The following CUX1 variants were observed in gnomAD, a reference collection of about 807,000 sequenced individuals.
CUX1 encodes protein CASP.
CUX1 carries 31 observed loss-of-function variants against 158.8 expected under a neutral mutation model. That is an observed-to-expected ratio of 0.20 (90% CI 0.15 to 0.26). The LOEUF (loss-of-function observed/expected upper bound fraction) is 0.26. Ranked by LOEUF, CUX1 falls within the 10% of genes least tolerant of loss-of-function variation. The pLI, the probability that CUX1 is intolerant of heterozygous loss-of-function variation, is 1.00. For missense variants in CUX1, 1,589 were observed against 2,014.6 expected (o/e 0.79, Z 4.04); for synonymous variants, 879 against 862.1 (o/e 1.02, Z -0.34).
At chr7:102,077,620 C>G (rs188014978) in intron 4 of CUX1, among the ~76,000 whole-genome samples, 1 of 151,080 alleles carries the variant, frequency 6.6e-6, no homozygotes, top group Non-Finnish European at 1.5e-5. Flanking sequence ...AAGACCCTCC[C>G]ATCTCTTTAA....
At position 101,917,999 on chromosome 7, in the gene CUX1, G is replaced by A. The variant is rs563149447; in HGVS notation, c.141+1774G>A. Among the ~76,000 whole-genome samples the A allele has an allele frequency of 4.6e-5, 7 of 152,100 alleles. No homozygotes were observed. In the South Asian group the frequency reaches 1.0e-3, roughly 22 times the overall value. On this transcript the variant is annotated intron_variant, in intron 2 of 23. Transcript: ENST00000292535. The stretch of plus-strand genomic sequence containing the variant: ...AAAAGGTAAAAAGAAAAAAGAAAAC[G>A]TTTTGTGGTTAAAAACAAACAAAGA...
intron 10 of CUX1, among the ~76,000 whole-genome samples, chr7:102,172,882 C>T (rs1554510785): frequency 1.3e-5 from 2 of 152,088 alleles, no homozygotes; most frequent in African/African-American, 2.4e-5. Flanking sequence ...GGCAAAATAT[C>T]GAAACCCCAT....
At chr7:102,223,743 C>T (rs917166077) in intron 20 of CUX1, among the ~76,000 whole-genome samples, 7 of 152,044 alleles carry the variant, frequency 4.6e-5, no homozygotes, top group Non-Finnish European at 1.0e-4. Context: ...CCAAGGTGGG[C>T]GGGTCATCTA....
At chr7:102,006,387 T>C (rs977783947) in intron 2 of CUX1, among the ~76,000 whole-genome samples, 5 of 152,102 alleles carry the variant, frequency 3.3e-5, no homozygotes, top group Admixed American at 6.6e-5. Context: ...GAATGGATTT[T>C]TTTTCTTTTC....
chr7:102,168,293 C>T (rs1554509381), intron 9 of CUX1, among the ~76,000 whole-genome samples: 30 of 152,064 alleles, frequency 2.0e-4, no homozygotes. Context: ...CCAAGAGCTC[C>T]TGGAGAGGCA....
At chr7:101,859,116 T>C (rs1290233722) in intron 1 of CUX1, among the ~76,000 whole-genome samples, 1 of 152,186 alleles carries the variant, frequency 6.6e-6, no homozygotes, top group African/African-American at 2.4e-5. Context: ...GCTATAGTTT[T>C]GTTTATGCCC....
At chr7:101,816,614 C>T (rs1026015327), upstream of CUX1, among the ~76,000 whole-genome samples, 12 of 144,412 alleles carry the variant, frequency 8.3e-5, no homozygotes, top group Non-Finnish European at 1.7e-4. Context: ...GCCGTATTCC[C>T]GGGGAAAGTT....
chr7:101,985,505 ACTCCACAT>A (rs1814182032), intron 2 of CUX1, among the ~76,000 whole-genome samples: 1 of 152,144 alleles, frequency 6.6e-6, no homozygotes, highest in African/African-American at 2.4e-5. Flanking sequence ...CGTGCTGCAA[ACTCCACAT>A]CTTCCTAGAA....
rs369826605 is a variant in CUX1, at chr7:102,202,160, A to C, written c.2863A>C (p.Lys955Gln). The C allele has an allele frequency of 3.9e-5, 63 of 1,612,346 alleles. No individual in the cohort carries two copies. The highest frequency in any genetic ancestry group is 5.2e-5 in the Non-Finnish European group (61 of 1,178,818). Residue 955 changes from lysine to glutamine, a missense_variant, in exon 18 of 24, where the codon AAG becomes CAG. Around this residue, in one of 8 missense-constraint regions of CUX1, gnomAD observed 29 missense variants for 66.6 expected, o/e 0.44. Transcript: ENST00000292535. ...TIELTRQVKE[K>Q]LAKNGICQRI... ...CGAGCTCACCCGGCAGGTTAAGGAA[A>C]AGCTGGCCAAGAACGGCATCTGCCA...
chr7:102,228,672 G>A (rs969506755), intron 21 of CUX1, among the ~76,000 whole-genome samples: 4 of 152,096 alleles, frequency 2.6e-5, no homozygotes, highest in African/African-American at 7.2e-5. Flanking sequence ...GGTGGTGCAC[G>A]CCTGTAGTTC....
chr7:101,940,598 T>C (rs1288092613), intron 2 of CUX1, among the ~76,000 whole-genome samples: 1 of 152,210 alleles, frequency 6.6e-6, no homozygotes, highest in Non-Finnish European at 1.5e-5. Flanking sequence ...TGTTTTCTTA[T>C]TGTTCTAGTT....
At chr7:102,149,991 G>A (rs1835457880) in intron 8 of CUX1, among the ~76,000 whole-genome samples, 1 of 152,200 alleles carries the variant, frequency 6.6e-6, no homozygotes, top group Non-Finnish European at 1.5e-5. Flanking sequence ...AGGTCATCAC[G>A]TGCAGCCCTG....
At position 101,916,289 on chromosome 7, in the gene CUX1, G is replaced by A. The variant is rs935586125; in HGVS notation, c.141+64G>A. The A allele has an allele frequency of 2.0e-5, 21 of 1,032,036 alleles. No individual in the cohort carries two copies. The highest frequency in any genetic ancestry group is 2.1e-4 in the Middle Eastern group (1 of 4,850). 63.9% of individuals were successfully genotyped at this position (1,032,036 alleles called of 1,614,324 possible). On this transcript the variant is annotated intron_variant, in intron 2 of 23. Coordinates refer to ENST00000292535, the MANE Select transcript of CUX1 (RefSeq NM_181552.4). This position sits in a 1 kb window ranked among gnomAD's most constrained non-coding sequence, Gnocchi z 4.4. ...TTAGAATGCTGGTGCATGTTCAGGC[G>A]ACGCTCCGTGAGCGTTTCATTTTCA...
At chr7:101,885,224 C>A in intron 1 of CUX1, among the ~76,000 whole-genome samples, 1 of 152,262 alleles carries the variant, frequency 6.6e-6, no homozygotes, top group South Asian at 2.1e-4. Flanking sequence ...GGCTGGATGC[C>A]CTGCCTCCAT....
chr7:102,200,013 G>A, intron 16 of CUX1, 58 bp from the exon 17 acceptor site: 1 of 1,452,990 alleles, frequency 6.9e-7, no homozygotes, highest in Non-Finnish European at 9.5e-7. Context: ...TCTTCGCGCA[G>A]CGCTGATTTT....
At position 102,274,565 on chromosome 7, in the gene CUX1, A is replaced by G. The variant is rs553895022; in HGVS notation, c.1450+255A>G. On this transcript the variant is annotated intron_variant, in intron 16 of 22. Coordinates refer to the CUX1 transcript ENST00000292538. ...CAGGAATTGGAGGCTGCAGTGAGCT[A>G]TGATGGTGCCACTGCACTCCAGCCT... Among the ~76,000 whole-genome samples the G allele has an allele frequency of 1.1e-4, 16 of 152,304 alleles. No homozygotes were observed. In the East Asian group the frequency reaches 2.9e-3, roughly 28 times the overall value.
chr7:101,914,748 C>G (rs1584966012), intron 1 of CUX1, among the ~76,000 whole-genome samples: 1 of 152,116 alleles, frequency 6.6e-6, no homozygotes, highest in Non-Finnish European at 1.5e-5. Context: ...ATCCACCCAC[C>G]TCGGCCTCCC....
In CUX1 at chr7:102,090,703, T is replaced by C. The variant is rs113409908; in HGVS notation, c.269-6661T>C. ...CACCCCGCCTCTTTTTTTTTTTTTT[T>C]CCTAGCTTTTCAGAAGATCCTGCAT... On this transcript the variant is annotated intron_variant, in intron 4 of 23. Coordinates refer to ENST00000292535, the MANE Select transcript of CUX1 (RefSeq NM_181552.4). Among the ~76,000 whole-genome samples, 538 of 137,864 alleles carry C rather than the reference T, an allele frequency of 3.9e-3. 2 individuals are homozygous for C. Among genetic ancestry groups the C allele is most frequent in the African/African-American group, 0.01 (403 of 38,450 alleles). The allele number at this position is 137,864 out of a possible 152,430, so 90.4% of individuals were successfully genotyped here.
At chr7:102,030,691 G>GTTTTTTTTTGTTTGTTTTTTGTTT (rs1820664980) in intron 3 of CUX1, among the ~76,000 whole-genome samples, 1 of 119,386 alleles carries the variant, frequency 8.4e-6, no homozygotes, top group African/African-American at 3.1e-5. Context: ...TTTAAAAAGT[G>GTTTTTTTTTGTTTGTTTTTTGTTT]TTTTTTTTTT....
Sources: allele counts gnomAD v4.1 joint callset (sites outside exome capture counted in the v4.1 genomes callset), GRCh38; gene constraint gnomAD v4.1.1; regional missense constraint gnomAD v4.1.1; non-coding constraint Gnocchi (gnomAD v3.1); transcripts MANE v1.5; gene names NCBI Gene and HGNC (gene_info 2026-07-23, HGNC 2026-07-21).